The following ANXA3 variants were observed in gnomAD, a reference collection of about 807,000 sequenced individuals.
The protein encoded by ANXA3 is 35-alpha calcimedin.
A neutral mutation model predicts 48.8 loss-of-function variants in ANXA3; 46 were observed. That is an observed-to-expected ratio of 0.94 (90% CI 0.74 to 1.21). The LOEUF (loss-of-function observed/expected upper bound fraction) is 1.21. Among genes scored for constraint, ANXA3 ranks in the 50% most tolerant of loss-of-function variants. The pLI, the probability that ANXA3 is intolerant of heterozygous loss-of-function variation, is 0.00. For missense variants in ANXA3, 383 were observed against 378.6 expected (o/e 1.01, Z -0.10); for synonymous variants, 128 against 134.7 (o/e 0.95, Z 0.35).
At chr4:78,557,708 T>C (rs1166411030) in intron 2 of ANXA3, among the ~76,000 whole-genome samples, 77 of 138,256 alleles carry the variant, frequency 5.6e-4, no homozygotes, top group African/African-American at 1.9e-3. Context: ...TTTTTTTTTT[T>C]CCTGTTTACC....
At chr4:78,581,210 C>T (rs985784586) in intron 4 of ANXA3, among the ~76,000 whole-genome samples, 4 of 152,180 alleles carry the variant, frequency 2.6e-5, no homozygotes, top group African/African-American at 7.2e-5. Context: ...GTGCCCACAG[C>T]GTTTCAGCAG....
chr4:78,591,234 T>A (rs1723289051), intron 6 of ANXA3, among the ~76,000 whole-genome samples: 2 of 152,228 alleles, frequency 1.3e-5, no homozygotes, highest in Admixed American at 1.3e-4. Context: ...AAAGGCACAC[T>A]AGTAGCTCAT....
In ANXA3 at chr4:78,573,199, TAA is replaced by T. The variant is rs1188285541; in HGVS notation, c.36_37del (p.Asp14LeufsTer5). ...TTCTAGGTTGGACACCGAGGAACAG[TAA>T]GAGATTATCCAGACTTTAGCCCATC... On this transcript the variant is annotated frameshift_variant, in exon 3 of 13. Coordinates refer to ENST00000264908, the MANE Select transcript of ANXA3 (RefSeq NM_005139.3). LOFTEE classifies it high-confidence loss of function. The T allele has an allele frequency of 6.2e-7, 1 of 1,613,310 alleles. No individual in the cohort carries two copies. Among genetic ancestry groups the T allele is most frequent in the Non-Finnish European group, 8.5e-7 (1 of 1,179,414 alleles).
In ANXA3 at chr4:78,597,109, A is replaced by G. The variant is rs1578402998; in HGVS notation, c.635-210A>G. On this transcript the variant is annotated intron_variant, in intron 9 of 12. Coordinates refer to ENST00000264908, the MANE Select transcript of ANXA3 (RefSeq NM_005139.3). ...AGAGAAAGAGAGATCATTGAAGAAA[A>G]TCATCTAGGGAGTTTGGGTTTTGTT... The G allele has an allele frequency of 8.9e-6, 4 of 450,490 alleles. No individual in the cohort carries two copies. The East Asian group carries it at 1.9e-4, about 21-fold the overall frequency. The allele number at this position is 450,490 out of a possible 1,614,324, so 27.9% of individuals were successfully genotyped here.
chr4:78,595,369 C>A lies in ANXA3; in HGVS notation c.484-12C>A. On this transcript the variant is annotated splice_polypyrimidine_tract_variant and intron_variant, in intron 7 of 12. Transcript: ENST00000264908. ...TTTAAAGGATGGCCCTTGTTTTCGT[C>A]CTCCTGTTTAGGGCAGAAGAGATGA... 1.2e-6 allele frequency: 2 copies of A among 1,613,814 alleles called. No individual in the cohort carries two copies.
chr4:78,595,519 A>G (rs1243123295), intron 8 of ANXA3, 82 bp downstream of exon 8: 8 of 1,415,446 alleles, frequency 5.7e-6, no homozygotes, highest in Non-Finnish European at 7.8e-6. Context: ...AGGGAGAAAA[A>G]TAGCAGCAAC....
At chr4:78,558,606 G>A (rs1054223193) in intron 2 of ANXA3, among the ~76,000 whole-genome samples, 8 of 152,194 alleles carry the variant, frequency 5.3e-5, no homozygotes, top group African/African-American at 1.9e-4. Flanking sequence ...TGAAAGAATG[G>A]CTGGTTTCTT....
chr4:78,596,039 T>G, intron 9 of ANXA3, 152 bp downstream of exon 9: 1 of 603,314 alleles, frequency 1.7e-6, no homozygotes, highest in Non-Finnish European at 2.9e-6. Context: ...AAAGCTGTAT[T>G]GTAACTCAAG....
Position 78,591,526 on chromosome 4 carries a change from A to G in ANXA3, c.404-18A>G, listed in dbSNP as rs1723295103. ...TTTCAGTTTGTCAAGGCTTAATTTC[A>G]TTCTGATTTGGTTTCAGTATACAAG... On this transcript the variant is annotated intron_variant, in intron 6 of 12. Coordinates refer to ENST00000264908, the MANE Select transcript of ANXA3 (RefSeq NM_005139.3). The G allele has an allele frequency of 6.4e-7, 1 of 1,571,710 alleles. No homozygotes were observed. Among genetic ancestry groups the G allele is most frequent in the African/African-American group, 1.4e-5 (1 of 73,692 alleles).
Position 78,597,410 on chromosome 4 carries a change from C to A in ANXA3, c.726C>A (p.Ala242=). The A allele has an allele frequency of 6.3e-7, 1 of 1,598,218 alleles. No individual in the cohort carries two copies. The highest frequency in any genetic ancestry group is 1.1e-5 in the South Asian group (1 of 89,844). ...GGCATTTTGAAGACTTACTGTTGGC[C>A]ATAGGTAAGACTTCGAGTGCTGGTA... The part of the protein sequence containing the change: ...LSGHFEDLLL[A]IVNCVRNTPA... Residue 242 remains alanine, a synonymous_variant, in exon 10 of 13, where the codon GCC becomes GCA. Transcript: ENST00000264908.
chr4:78,607,020 G>T (rs1347298722), intron 12 of ANXA3, among the ~76,000 whole-genome samples: 1 of 152,186 alleles, frequency 6.6e-6, no homozygotes, highest in African/African-American at 2.4e-5. Flanking sequence ...TCTAAAGATT[G>T]TCAGTAACAA....
chr4:78,575,206 G>T (rs1365071034), intron 3 of ANXA3, among the ~76,000 whole-genome samples: 1 of 151,564 alleles, frequency 6.6e-6, no homozygotes, highest in Non-Finnish European at 1.5e-5. Context: ...TTTTTCAGTT[G>T]GTTTGTCTTC....
At position 78,601,057 on chromosome 4, in the gene ANXA3, C is replaced by T. The variant is rs369715758; in HGVS notation, c.731-453C>T. Among the ~76,000 whole-genome samples, 44 of 152,108 alleles carry T rather than the reference C, an allele frequency of 2.9e-4. No individual in the cohort carries two copies. In the East Asian group the frequency reaches 7.9e-3, roughly 27 times the overall value. ...AAAATTCTTTCCATGGGAAAAATTG[C>T]TTTTAAATGGAACTCCAGTGCCCCT... On this transcript the variant is annotated intron_variant, in intron 10 of 12. Coordinates refer to ENST00000264908, the MANE Select transcript of ANXA3 (RefSeq NM_005139.3).
intron 7 of ANXA3, among the ~76,000 whole-genome samples, chr4:78,592,863 G>T (rs955710284): frequency 6.6e-6 from 1 of 152,098 alleles, no homozygotes; most frequent in South Asian, 2.1e-4. Flanking sequence ...TGGAGCGAGC[G>T]TAAGTGAAAG....
chr4:78,577,453 G>A (rs916704736), intron 3 of ANXA3, among the ~76,000 whole-genome samples: 3 of 152,238 alleles, frequency 2.0e-5, no homozygotes, highest in Middle Eastern at 3.4e-3. Context: ...GTGGTGGCCG[G>A]TAGTGTACTG....
At chr4:78,595,141 A>AATATATATAT (rs145060219) in intron 7 of ANXA3, among the ~76,000 whole-genome samples, 6 of 151,268 alleles carry the variant, frequency 4.0e-5, no homozygotes, top group African/African-American at 1.5e-4. Flanking sequence ...CCTGTCTCTA[A>AATATATATAT]ATATATATAT....
chr4:78,582,383 C>G, intron 5 of ANXA3, 93 bp downstream of exon 5: 1 of 788,650 alleles, frequency 1.3e-6, no homozygotes, highest in South Asian at 1.6e-5. Flanking sequence ...GATGGGTGGA[C>G]TTGGATGCCC....
At chr4:78,575,360 C>A (rs1001167645) in intron 3 of ANXA3, among the ~76,000 whole-genome samples, 3 of 151,972 alleles carry the variant, frequency 2.0e-5, no homozygotes, top group Non-Finnish European at 2.9e-5. Context: ...CCACCCAAAT[C>A]TCATCTTGTA....
chr4:78,591,852 G>A (rs1047121874), intron 7 of ANXA3, among the ~76,000 whole-genome samples: 2 of 152,194 alleles, frequency 1.3e-5, no homozygotes. Context: ...GAGTCAGTAA[G>A]TGGAGGTGTT....
Sources: allele counts gnomAD v4.1 joint callset (sites outside exome capture counted in the v4.1 genomes callset), GRCh38; gene constraint gnomAD v4.1.1; transcripts MANE v1.5; gene names NCBI Gene and HGNC (gene_info 2026-07-23, HGNC 2026-07-21).